Variants in IQCJ observed in about 807,000 individuals in gnomAD.
IQCJ encodes the protein IQ motif containing J, also known as IQ domain-containing protein J.
A neutral mutation model predicts 11.0 loss-of-function variants in IQCJ; 9 were observed. The observed-to-expected ratio is 0.82, with a 90% CI of 0.49 to 1.43. IQCJ has a LOEUF of 1.43. IQCJ is among the 40% of genes most tolerant of loss of function. The pLI, the probability that IQCJ is intolerant of heterozygous loss-of-function variation, is 0.00. For missense variants in IQCJ, 146 were observed against 133.2 expected (o/e 1.10, Z -0.47); for synonymous variants, 55 against 51.3 (o/e 1.07, Z -0.31).
chr3:159,245,217 T>G (rs1727184514), intron 1 of IQCJ, among the ~76,000 whole-genome samples: 1 of 152,134 alleles, frequency 6.6e-6, no homozygotes, highest in Non-Finnish European at 1.5e-5. Context: ...AAATGCAGCA[T>G]GCAGTCATTA....
rs1454153346 is a variant in IQCJ, at chr3:159,263,035, T to C, written c.*304T>C. The C allele has an allele frequency of 9.7e-7, 1 of 1,032,768 alleles. No homozygotes were observed. The highest frequency in any genetic ancestry group is 1.2e-6 in the Non-Finnish European group (1 of 859,430). The allele number at this position is 1,032,768 out of a possible 1,614,324, so 64.0% of individuals were successfully genotyped here. On this transcript the variant is annotated 3_prime_UTR_variant, in exon 4 of 4. Transcript: ENST00000397832. ...TGTGTGGTGCTAATATGATAGAAGA[T>C]AAGATTGGTTATAAGGAGTAGAAAG...
chr3:159,193,361 T>A (rs760865678), intron 1 of IQCJ, among the ~76,000 whole-genome samples: 6 of 152,184 alleles, frequency 3.9e-5, no homozygotes, highest in Non-Finnish European at 8.8e-5. Flanking sequence ...AAGGTGTTAT[T>A]TCCAATCTGA....
chr3:159,188,371 T>A (rs1237902017), intron 1 of IQCJ, among the ~76,000 whole-genome samples: 1 of 152,006 alleles, frequency 6.6e-6, no homozygotes, highest in African/African-American at 2.4e-5. Context: ...GATCACGCCA[T>A]TACACTCCAG....
intron 1 of IQCJ, among the ~76,000 whole-genome samples, chr3:159,122,697 AAG>A (rs1302190195): frequency 6.6e-6 from 1 of 152,250 alleles, no homozygotes; most frequent in Non-Finnish European, 1.5e-5. Context: ...GTGAAAATAA[AAG>A]AGAAAAATCC....
intron 1 of IQCJ, among the ~76,000 whole-genome samples, chr3:159,209,104 C>G (rs1456696375): frequency 6.6e-6 from 1 of 152,166 alleles, no homozygotes; most frequent in African/African-American, 2.4e-5. Flanking sequence ...CCCAAGACCA[C>G]CCTGATCTGC....
intron 1 of IQCJ, among the ~76,000 whole-genome samples, chr3:159,211,482 A>G (rs1051510534): frequency 6.6e-6 from 1 of 152,256 alleles, no homozygotes. Context: ...TGTCCCTCAC[A>G]TTGGTCACTC....
intron 1 of IQCJ, among the ~76,000 whole-genome samples, chr3:159,213,334 A>C (rs1452377094): frequency 6.6e-6 from 1 of 152,194 alleles, no homozygotes; most frequent in Non-Finnish European, 1.5e-5. Context: ...CTGACACTGA[A>C]GTGGGTCAAA....
chr3:159,083,588 C>A (rs1342074721), intron 1 of IQCJ, among the ~76,000 whole-genome samples: 1 of 152,104 alleles, frequency 6.6e-6, no homozygotes, highest in Non-Finnish European at 1.5e-5. Flanking sequence ...TACCATGCAA[C>A]AGTATAATTG....
At chr3:159,155,417 C>CA (rs1261312511) in intron 1 of IQCJ, among the ~76,000 whole-genome samples, 11 of 152,196 alleles carry the variant, frequency 7.2e-5, no homozygotes, top group Admixed American at 3.3e-4. Flanking sequence ...CTCAGCCTCC[C>CA]AAAATGTTGG....
At chr3:159,076,851 TGGGGAA>T (rs1715952725) in intron 1 of IQCJ, among the ~76,000 whole-genome samples, 2 of 152,090 alleles carry the variant, frequency 1.3e-5, no homozygotes, top group African/African-American at 4.8e-5. Context: ...CGAGTGACCT[TGGGGAA>T]TTAACTTCTC....
At chr3:159,249,602 C>T (rs563093824) in intron 2 of IQCJ, among the ~76,000 whole-genome samples, 22 of 152,280 alleles carry the variant, frequency 1.4e-4, no homozygotes, top group Non-Finnish European at 2.9e-4. Flanking sequence ...GTCAGGACTA[C>T]GTCCTTGAAT....
intron 1 of IQCJ, among the ~76,000 whole-genome samples, chr3:159,104,472 C>A (rs757767379): frequency 7.2e-5 from 11 of 152,168 alleles, no homozygotes; most frequent in Non-Finnish European, 1.3e-4. Flanking sequence ...TGCTATAGTT[C>A]TTATTCTTTC....
chr3:159,133,939 CAAGGTAT>C (rs1302816064), intron 1 of IQCJ, among the ~76,000 whole-genome samples: 1 of 151,684 alleles, frequency 6.6e-6, no homozygotes, highest in African/African-American at 2.4e-5. Flanking sequence ...AGTATGCAAT[CAAGGTAT>C]CCACCAGGCT....
At chr3:159,074,910 A>AG (rs1173005527) in intron 1 of IQCJ, among the ~76,000 whole-genome samples, 1 of 152,100 alleles carries the variant, frequency 6.6e-6, no homozygotes, top group Admixed American at 6.6e-5. Flanking sequence ...TTCCTGGGGT[A>AG]GATAGAGGAG....
At chr3:159,082,519 G>A (rs1427288506) in intron 1 of IQCJ, among the ~76,000 whole-genome samples, 5 of 151,672 alleles carry the variant, frequency 3.3e-5, no homozygotes, top group Non-Finnish European at 5.9e-5. Flanking sequence ...AGCTAGTGTT[G>A]AGGCGAGAGG....
At chr3:159,211,616 C>T (rs1724956453) in intron 1 of IQCJ, among the ~76,000 whole-genome samples, 1 of 152,252 alleles carries the variant, frequency 6.6e-6, no homozygotes, top group African/African-American at 2.4e-5. Context: ...GACAACTTTA[C>T]TTTCAATTGT....
chr3:159,088,187 A>T (rs1269812551), intron 1 of IQCJ, among the ~76,000 whole-genome samples: 1 of 152,160 alleles, frequency 6.6e-6, no homozygotes, highest in Non-Finnish European at 1.5e-5. Context: ...CCCAGTAATC[A>T]TTCAGGAGCA....
At chr3:159,144,168 A>G (rs1173340430) in intron 1 of IQCJ, among the ~76,000 whole-genome samples, 2 of 152,242 alleles carry the variant, frequency 1.3e-5, no homozygotes, top group Non-Finnish European at 2.9e-5. Flanking sequence ...ACAGCAAAGT[A>G]TACTAGAAAC....
chr3:159,215,884 G>A (rs1165119409), intron 1 of IQCJ, among the ~76,000 whole-genome samples: 2 of 151,950 alleles, frequency 1.3e-5, no homozygotes, highest in Admixed American at 6.6e-5. Context: ...TCCCCTACAA[G>A]ATCAAGTGCC....
Sources: allele counts gnomAD v4.1 joint callset (sites outside exome capture counted in the v4.1 genomes callset), GRCh38; gene constraint gnomAD v4.1.1; transcripts MANE v1.5; gene names NCBI Gene and HGNC (gene_info 2026-07-23, HGNC 2026-07-21).